MAF: variants seen among roughly 807,000 people sequenced by gnomAD.
MAF encodes the protein MAF bZIP transcription factor, also known as transcription factor Maf.
MAF carries 10 observed loss-of-function variants against 22.0 expected under a neutral mutation model. That is an observed-to-expected ratio of 0.45 (90% CI 0.28 to 0.77). The LOEUF is 0.77. Ranked by LOEUF, MAF falls within the 30% of genes least tolerant of loss-of-function variation. The probability of loss-of-function intolerance (pLI) is 0.12; values close to 1 mark genes in which losing one functional copy is unlikely to be tolerated. For missense variants in MAF, 544 were observed against 548.4 expected (o/e 0.99, Z 0.08); for synonymous variants, 337 against 255.8 (o/e 1.32, Z -3.03).
chr16:79,495,276 A>G, the MAF span, among the ~76,000 whole-genome samples: 4 of 152,084 alleles, frequency 2.6e-5, no homozygotes, highest in East Asian at 7.7e-4. Context: ...AGCCTAGACA[A>G]CATAGTGAGA....
chr16:79,497,764 A>G, the MAF span, among the ~76,000 whole-genome samples: 1 of 152,246 alleles, frequency 6.6e-6, no homozygotes, highest in South Asian at 2.1e-4. Context: ...TAATTGGAAG[A>G]GACAAGGAAG....
chr16:79,517,920 C>T, the MAF span, among the ~76,000 whole-genome samples: 1 of 152,176 alleles, frequency 6.6e-6, no homozygotes, highest in Admixed American at 6.5e-5. Context: ...AACATACCCA[C>T]AATAGTGGAC....
At chr16:79,225,407 C>T in the MAF span, among the ~76,000 whole-genome samples, 1 of 152,090 alleles carries the variant, frequency 6.6e-6, no homozygotes, top group Non-Finnish European at 1.5e-5. Flanking sequence ...ACCATAAAAA[C>T]CCTAGAAGAA....
the MAF span, among the ~76,000 whole-genome samples, chr16:79,234,421 T>C: frequency 1.3e-5 from 2 of 152,180 alleles, no homozygotes; most frequent in Non-Finnish European, 2.9e-5. Context: ...AATAGAGTGT[T>C]CATTGTCAAT....
the MAF span, among the ~76,000 whole-genome samples, chr16:79,424,421 C>T: frequency 6.6e-6 from 1 of 152,154 alleles, no homozygotes; most frequent in Non-Finnish European, 1.5e-5. Flanking sequence ...TCTAAGGTTG[C>T]ATTATGGCTT....
the MAF span, among the ~76,000 whole-genome samples, chr16:79,323,797 C>G: frequency 0.017 from 2,557 of 152,274 alleles, 17 homozygotes; most frequent in Middle Eastern, 0.044. Context: ...ACGAGGGGAC[C>G]TGCAATCCCA....
chr16:79,424,682 G>C, the MAF span, among the ~76,000 whole-genome samples: 2 of 152,160 alleles, frequency 1.3e-5, no homozygotes, highest in Non-Finnish European at 2.9e-5. Flanking sequence ...CCAACCTCCA[G>C]GAGTGCTGTG....
At chr16:79,511,376 A>G in the MAF span, among the ~76,000 whole-genome samples, 2 of 152,178 alleles carry the variant, frequency 1.3e-5, no homozygotes, top group Non-Finnish European at 2.9e-5. Context: ...AGAGAGAGGG[A>G]ATGGTTTACT....
chr16:79,319,826 A>T, the MAF span, among the ~76,000 whole-genome samples: 1 of 152,220 alleles, frequency 6.6e-6, no homozygotes, highest in South Asian at 2.1e-4. Context: ...CACATAGAGA[A>T]ATACGGAAAT....
the MAF span, chr16:79,204,984 C>G: frequency 2.0e-5 from 3 of 152,146 alleles, no homozygotes; most frequent in Non-Finnish European, 4.4e-5. Flanking sequence ...TGTCTTTTGT[C>G]AGGGAGAATG....
chr16:79,275,855 G>T, the MAF span, among the ~76,000 whole-genome samples: 1 of 152,166 alleles, frequency 6.6e-6, no homozygotes, highest in South Asian at 2.1e-4. Context: ...ATTTGAAACA[G>T]GCCAGGCAGG....
the MAF span, among the ~76,000 whole-genome samples, chr16:79,301,076 C>T: frequency 6.6e-5 from 10 of 152,026 alleles, no homozygotes; most frequent in African/African-American, 2.4e-5. Flanking sequence ...GAAAACCAAG[C>T]GGAGTCTCAA....
the MAF span, among the ~76,000 whole-genome samples, chr16:79,367,571 G>C: frequency 6.6e-6 from 1 of 152,184 alleles, no homozygotes. Flanking sequence ...ATATATGGCA[G>C]CACTGTCCAA....
the MAF span, among the ~76,000 whole-genome samples, chr16:79,578,818 G>T: frequency 6.6e-6 from 1 of 152,096 alleles, no homozygotes; most frequent in African/African-American, 2.4e-5. Context: ...CAGCAAAATG[G>T]GAAAATACCA....
At chr16:79,461,844 A>G in the MAF span, among the ~76,000 whole-genome samples, 2 of 152,120 alleles carry the variant, frequency 1.3e-5, no homozygotes, top group Non-Finnish European at 1.5e-5. Context: ...CCTTTTCTTC[A>G]TGAACTGGGT....
chr16:79,252,608 G>A, the MAF span, among the ~76,000 whole-genome samples: 1 of 152,090 alleles, frequency 6.6e-6, no homozygotes. Context: ...TCCTGCCTGA[G>A]CCACCAAGGT....
the MAF span, among the ~76,000 whole-genome samples, chr16:79,462,383 C>A: frequency 2.5e-4 from 38 of 152,306 alleles, no homozygotes; most frequent in African/African-American, 8.9e-4. Flanking sequence ...TAGGTCCAAT[C>A]TGCCTGCAGA....
chr16:79,372,380 T>A, the MAF span, among the ~76,000 whole-genome samples: 1 of 152,178 alleles, frequency 6.6e-6, no homozygotes, highest in African/African-American at 2.4e-5. Context: ...ACCCACTGAA[T>A]AGGGATAAAT....
chr16:79,409,889 A>G, the MAF span, among the ~76,000 whole-genome samples: 1 of 152,242 alleles, frequency 6.6e-6, no homozygotes, highest in East Asian at 1.9e-4. Flanking sequence ...AAGTTTGGCT[A>G]GTACGACCCC....
Sources: allele counts gnomAD v4.1 joint callset (sites outside exome capture counted in the v4.1 genomes callset), GRCh38; gene constraint gnomAD v4.1.1; transcripts MANE v1.5; gene names NCBI Gene and HGNC (gene_info 2026-07-23, HGNC 2026-07-21).